KCNB2: variants seen among roughly 807,000 people sequenced by gnomAD.
KCNB2 encodes delayed rectifier potassium channel protein.
KCNB2 carries 15 observed loss-of-function variants against 61.5 expected under a neutral mutation model. That is an observed-to-expected ratio of 0.24 (90% CI 0.16 to 0.38). KCNB2 has a LOEUF of 0.38. KCNB2 is among the 10% of genes least tolerant of loss of function. The pLI, the probability that KCNB2 is intolerant of heterozygous loss-of-function variation, is 1.00. For synonymous variants in KCNB2, 457 were observed against 446.0 expected (o/e 1.02, Z -0.31); for missense variants, 828 against 1,125.2 (o/e 0.74, Z 3.78).
chr8:72,816,136 A>G (rs1229697571), intron 2 of KCNB2, among the ~76,000 whole-genome samples: 1 of 152,202 alleles, frequency 6.6e-6, no homozygotes, highest in African/African-American at 2.4e-5. Context: ...CTGGGGTAGC[A>G]TGGATCGTAC....
At chr8:72,860,062 A>C (rs1289978847) in intron 2 of KCNB2, among the ~76,000 whole-genome samples, 2 of 152,114 alleles carry the variant, frequency 1.3e-5, no homozygotes, top group Non-Finnish European at 2.9e-5. Flanking sequence ...GCATAGATAT[A>C]GGATATTTTA....
chr8:72,870,836 G>A (rs958319123), intron 2 of KCNB2, among the ~76,000 whole-genome samples: 4 of 152,144 alleles, frequency 2.6e-5, no homozygotes, highest in Non-Finnish European at 5.9e-5. Flanking sequence ...AATTTGCCAG[G>A]TGTGGTGCCA....
chr8:72,672,947 G>A (rs1055909352), intron 2 of KCNB2, among the ~76,000 whole-genome samples: 1 of 152,184 alleles, frequency 6.6e-6, no homozygotes, highest in Non-Finnish European at 1.5e-5. Flanking sequence ...TTGCTGGTGA[G>A]AAAGTAAAAT....
At chr8:72,735,512 G>A (rs1036713772) in intron 2 of KCNB2, among the ~76,000 whole-genome samples, 3 of 152,186 alleles carry the variant, frequency 2.0e-5, no homozygotes, top group African/African-American at 7.2e-5. Context: ...GTCTAGATCA[G>A]TGATTCTCAA....
At chr8:72,903,843 ATTTCTTTATTCAAAAAAG>A (rs1806127829) in intron 2 of KCNB2, among the ~76,000 whole-genome samples, 4 of 152,150 alleles carry the variant, frequency 2.6e-5, no homozygotes, top group Non-Finnish European at 5.9e-5. Context: ...AAGGAAAAAT[ATTTCTTTATTCAAAAAAG>A]CTTAATTTTA....
At chr8:72,785,625 C>T (rs539875418) in intron 2 of KCNB2, among the ~76,000 whole-genome samples, 1 of 152,028 alleles carries the variant, frequency 6.6e-6, no homozygotes, top group African/African-American at 2.4e-5. Flanking sequence ...TTTTGACATC[C>T]TGTTTTATAT....
intron 2 of KCNB2, among the ~76,000 whole-genome samples, chr8:72,625,110 T>C (rs1805770082): frequency 6.6e-6 from 1 of 152,182 alleles, no homozygotes; most frequent in African/African-American, 2.4e-5. Flanking sequence ...GGAGACCCAG[T>C]GAAGCCGTGT....
intron 2 of KCNB2, among the ~76,000 whole-genome samples, chr8:72,907,553 C>T (rs1806201008): frequency 6.6e-6 from 1 of 152,144 alleles, no homozygotes; most frequent in Admixed American, 6.6e-5. Context: ...CTTGAAGCCC[C>T]TCCCTAAAGG....
At chr8:72,589,913 T>G (rs1807066942) in intron 2 of KCNB2, among the ~76,000 whole-genome samples, 1 of 152,246 alleles carries the variant, frequency 6.6e-6, no homozygotes, top group South Asian at 2.1e-4. Flanking sequence ...ATTTACATTC[T>G]GGAAATACAG....
intron 2 of KCNB2, among the ~76,000 whole-genome samples, chr8:72,905,188 A>G (rs1346777057): frequency 6.6e-6 from 1 of 152,210 alleles, no homozygotes; most frequent in Non-Finnish European, 1.5e-5. Context: ...AAATGAAGGT[A>G]ATTGAATATT....
chr8:72,570,511 G>C (rs1018867778), intron 2 of KCNB2, among the ~76,000 whole-genome samples: 2 of 151,906 alleles, frequency 1.3e-5, no homozygotes, highest in African/African-American at 4.8e-5. Flanking sequence ...AAATGGCTCT[G>C]TGTGATGTCT....
chr8:72,619,029 C>G (rs1707494189), intron 2 of KCNB2: 1 of 312,498 alleles, frequency 3.2e-6, no homozygotes, highest in Non-Finnish European at 6.2e-6. Context: ...CTGAAGATGA[C>G]CGTCGACTTT....
At chr8:72,540,601 T>G (rs908622656) in intron 1 of KCNB2, among the ~76,000 whole-genome samples, 1 of 152,142 alleles carries the variant, frequency 6.6e-6, no homozygotes, top group Non-Finnish European at 1.5e-5. Flanking sequence ...GCATTAGATT[T>G]TTTAGTCACA....
At chr8:72,561,729 C>CA (rs1806525341) in intron 1 of KCNB2, among the ~76,000 whole-genome samples, 1 of 20,404 alleles carries the variant, frequency 4.9e-5, no homozygotes, top group Non-Finnish European at 7.8e-5. Flanking sequence ...ATATATATAT[C>CA]TATATCTATA....
intron 2 of KCNB2, among the ~76,000 whole-genome samples, chr8:72,707,131 C>T (rs1807240272): frequency 6.6e-6 from 1 of 152,110 alleles, no homozygotes; most frequent in Admixed American, 6.5e-5. Context: ...GTAAACCATC[C>T]CAGAGAGGTA....
rs988099812 is a variant in KCNB2 at position 72,627,195 on chromosome 8, A to C, written c.579+58882A>C. On this transcript the variant is annotated intron_variant, in intron 2 of 2. Coordinates refer to ENST00000523207, the MANE Select transcript of KCNB2 (RefSeq NM_004770.3). ...AAGAATAAGTTTATCTCACTCATTC[A>C]TGAAAGCAGATTTTTATGGAGAAGA... Among the ~76,000 whole-genome samples, 3 of 152,206 alleles carry C rather than the reference A, an allele frequency of 2.0e-5. No homozygotes were observed. The South Asian group carries it at 6.2e-4, about 32-fold the overall frequency.
intron 2 of KCNB2, among the ~76,000 whole-genome samples, chr8:72,859,604 A>G (rs1278898258): frequency 2.0e-5 from 3 of 149,432 alleles, no homozygotes; most frequent in Admixed American, 6.7e-5. Flanking sequence ...CATTTCATAT[A>G]TATTCACAGT....
intron 2 of KCNB2, among the ~76,000 whole-genome samples, chr8:72,794,665 AC>A (rs1294248346): frequency 6.6e-6 from 1 of 152,096 alleles, no homozygotes; most frequent in African/African-American, 2.4e-5. Flanking sequence ...ACTAAAATAT[AC>A]ATATGTAGAA....
intron 2 of KCNB2, among the ~76,000 whole-genome samples, chr8:72,802,423 C>G (rs911921304): frequency 6.6e-6 from 1 of 152,162 alleles, no homozygotes; most frequent in Non-Finnish European, 1.5e-5. Context: ...TTTAGATATA[C>G]ACTCAAAAGT....
Sources: gnomAD v4.1 joint callset for allele counts (sites outside exome capture counted in the v4.1 genomes callset) on GRCh38, gnomAD v4.1.1 for gene constraint, MANE v1.5 for transcripts, NCBI Gene and HGNC (gene_info 2026-07-23, HGNC 2026-07-21) for gene names.